PPP2R3A: variants seen among roughly 807,000 people sequenced by gnomAD.
PPP2R3A encodes serine/threonine-protein phosphatase 2A regulatory subunit B'' subunit alpha.
Under a neutral mutation model 106.9 loss-of-function variants are expected in PPP2R3A, and 80 were observed. That is an observed-to-expected ratio of 0.75 (90% CI 0.62 to 0.90). The LOEUF is 0.90. PPP2R3A is among the 40% of genes least tolerant of loss of function. PPP2R3A has a pLI of 0.00. For synonymous variants in PPP2R3A, 483 were observed against 468.3 expected, an observed-to-expected ratio of 1.03 and a Z score of -0.41; for missense variants, 1,386 against 1,350.4, an observed-to-expected ratio of 1.03 and a Z score of -0.41.
At chr3:136,011,342 C>T (rs543092572) in intron 2 of PPP2R3A, among the ~76,000 whole-genome samples, 1 of 152,246 alleles carries the variant, frequency 6.6e-6, no homozygotes, top group South Asian at 2.1e-4. Context: ...TTATCTGTTA[C>T]ATTCACTGCT....
At position 136,146,886 on chromosome 3, in the gene PPP2R3A, T is replaced by C. The variant is rs957987838; in HGVS notation, c.*1720T>C. 2 of 152,166 alleles carry C rather than the reference T, an allele frequency of 1.3e-5. No individual in the cohort carries two copies. The highest frequency in any genetic ancestry group is 2.9e-5 in the Non-Finnish European group (2 of 68,036). 9.4% of individuals were successfully genotyped at this position (152,166 alleles called of 1,614,324 possible). A position where few individuals can be genotyped will look rare whatever the true frequency, so the allele number is the denominator to read the frequency against. On this transcript the variant is annotated 3_prime_UTR_variant, in exon 14 of 14. Transcript: ENST00000264977. The stretch of plus-strand genomic sequence containing the variant: ...GAAATACAAAAAAAAAAAAAATACT[T>C]TTCTTAGAAGCCAGATATGGTTTAA...
At chr3:136,144,882 A>G (rs1456069445) in intron 13 of PPP2R3A, among the ~76,000 whole-genome samples, 161 bp from the exon 14 acceptor site, 1 of 152,192 alleles carries the variant, frequency 6.6e-6, no homozygotes, top group Admixed American at 6.5e-5. Flanking sequence ...TTTCTGCTCT[A>G]GAGTGTTGCC....
At chr3:136,008,934 G>A (rs1933946118) in intron 2 of PPP2R3A, among the ~76,000 whole-genome samples, 1 of 151,844 alleles carries the variant, frequency 6.6e-6, no homozygotes, top group South Asian at 2.1e-4. Context: ...GTTTACATTA[G>A]TCACCACCAG....
At chr3:135,992,498 T>C (rs1180315808) in intron 1 of PPP2R3A, among the ~76,000 whole-genome samples, 1 of 152,190 alleles carries the variant, frequency 6.6e-6, no homozygotes, top group Non-Finnish European at 1.5e-5. Context: ...GCTCCAGATG[T>C]TTCCTGAAGT....
intron 1 of PPP2R3A, among the ~76,000 whole-genome samples, chr3:135,968,434 A>G (rs1937151499): frequency 6.6e-6 from 1 of 152,204 alleles, no homozygotes; most frequent in African/African-American, 2.4e-5. Flanking sequence ...GGTGAAGCTC[A>G]CGGGAACAAT....
chr3:136,142,184 C>G lies in PPP2R3A; in HGVS notation c.3330-2859C>G, dbSNP rs182808457. 7.2e-5 allele frequency among the ~76,000 whole-genome samples: 11 copies of G among 152,250 alleles called. 1 individual carries two copies. Among genetic ancestry groups the G allele is most frequent in the Admixed American group, 5.9e-4 (9 of 15,288 alleles). Reference sequence around the variant, plus strand: ...CGAGAAGAGCTTATTAGTCCAGAACCTGGGACGCACTGGCATTGAAGGAGC... The same window carrying G: ...CGAGAAGAGCTTATTAGTCCAGAACGTGGGACGCACTGGCATTGAAGGAGC... On this transcript the variant is annotated intron_variant, in intron 13 of 13. Transcript: ENST00000264977.
intron 3 of PPP2R3A, among the ~76,000 whole-genome samples, chr3:136,033,543 C>T (rs764553942): frequency 6.6e-6 from 1 of 152,156 alleles, no homozygotes; most frequent in Non-Finnish European, 1.5e-5. Context: ...AATTTTTAAA[C>T]TACCATTTCA....
At chr3:135,980,115 C>T (rs943023945) in intron 1 of PPP2R3A, among the ~76,000 whole-genome samples, 8 of 151,736 alleles carry the variant, frequency 5.3e-5, no homozygotes, top group Non-Finnish European at 1.2e-4. Context: ...AAAGAGTGGC[C>T]TCAGGCACAA....
intron 2 of PPP2R3A, among the ~76,000 whole-genome samples, chr3:136,017,633 C>A (rs1173607430): frequency 6.6e-6 from 1 of 152,168 alleles, no homozygotes; most frequent in Admixed American, 6.5e-5. Flanking sequence ...TATACCAGGA[C>A]CTCCACTTTG....
Position 136,022,970 on chromosome 3 carries a change from AAAAAATACCT to A in PPP2R3A, c.1996-3861_1996-3852del. ...TTTCATTTCTTTGGGAGATAAGAAG[AAAAAATACCT>A]TCCTACCTGACAAGATTGACAACTT... On this transcript the variant is annotated intron_variant, in intron 2 of 13. Coordinates refer to ENST00000264977, the MANE Select transcript of PPP2R3A (RefSeq NM_002718.5). 1.9e-6 allele frequency: 3 copies of A among 1,559,966 alleles called. No individual in the cohort carries two copies. The South Asian group carries it at 3.6e-5, about 19-fold the overall frequency.
In PPP2R3A at chr3:136,026,229, C is replaced by T. The variant is rs187716133; in HGVS notation, c.1996-603C>T. ...TACATGTGTATCTTGCAGAAAATGG[C>T]GTGGCCCTAGTGGCAAATAAATCAG... is the stretch of plus-strand genomic sequence containing the variant. On this transcript the variant is annotated intron_variant, in intron 2 of 13. Coordinates refer to ENST00000264977, the MANE Select transcript of PPP2R3A (RefSeq NM_002718.5). Among the ~76,000 whole-genome samples the T allele has an allele frequency of 3.8e-4, 58 of 152,186 alleles. 1 individual carries two copies. The East Asian group carries it at 8.5e-3, about 22-fold the overall frequency.
chr3:136,001,301 G>C lies in PPP2R3A; in HGVS notation c.-198G>C. On this transcript the variant is annotated 5_prime_UTR_variant, in exon 2 of 14. An upstream start codon of the reference 5' UTR is lost. Transcript: ENST00000264977. Reference sequence around the variant, plus strand: ...TTAAATTATTAAATTTGCCACACATGTGCAGCAGCTACTGTATCCTGATAG... The same window carrying C: ...TTAAATTATTAAATTTGCCACACATCTGCAGCAGCTACTGTATCCTGATAG... 6.0e-6 allele frequency: 3 copies of C among 502,400 alleles called. No homozygotes were observed. The highest frequency in any genetic ancestry group is 6.9e-6 in the Non-Finnish European group (2 of 288,120). 31.1% of individuals were successfully genotyped at this position (502,400 alleles called of 1,614,324 possible). A position where few individuals can be genotyped will look rare whatever the true frequency, so the allele number is the denominator to read the frequency against.
At chr3:136,087,433 G>C (rs1936981535) in intron 8 of PPP2R3A, 1 of 152,750 alleles carries the variant, frequency 6.5e-6, no homozygotes, top group South Asian at 2.1e-4. Context: ...TATGTTTGTA[G>C]TGTGTTTGAG....
chr3:136,143,448 GCCACT>G (rs1037702399), intron 13 of PPP2R3A, among the ~76,000 whole-genome samples: 3 of 151,692 alleles, frequency 2.0e-5, no homozygotes, highest in African/African-American at 7.3e-5. Flanking sequence ...CCAAGATCAT[GCCACT>G]GCACTCCAGC....
chr3:136,131,601 G>GT (rs1479108206), intron 13 of PPP2R3A, among the ~76,000 whole-genome samples: 4 of 152,216 alleles, frequency 2.6e-5, no homozygotes, highest in Non-Finnish European at 5.9e-5. Flanking sequence ...GGAAGACGGT[G>GT]TGGCGATTCC....
chr3:136,044,685 A>G (rs1935413935), intron 4 of PPP2R3A, among the ~76,000 whole-genome samples: 1 of 152,068 alleles, frequency 6.6e-6, no homozygotes, highest in Admixed American at 6.6e-5. Flanking sequence ...AAACCAGCAT[A>G]CTTTGAACAG....
At chr3:136,136,368 A>G (rs1032019010) in intron 13 of PPP2R3A, among the ~76,000 whole-genome samples, 4 of 152,170 alleles carry the variant, frequency 2.6e-5, no homozygotes, top group Non-Finnish European at 2.9e-5. Flanking sequence ...TCTCTGAAGT[A>G]GAGTTTATTC....
In PPP2R3A at chr3:136,030,695, A is replaced by G. The variant is rs367853441; in HGVS notation, c.2262+3597A>G. Among the ~76,000 whole-genome samples, 33 of 150,710 alleles carry G rather than the reference A, an allele frequency of 2.2e-4. No homozygotes were observed. In the South Asian group the frequency reaches 5.5e-3, roughly 25 times the overall value. ...GTTACTTCACATGGAATAGTCTCCA[A>G]TCTCATCCTGGTCACTGCGAATGCC... On this transcript the variant is annotated intron_variant, in intron 3 of 13. Transcript: ENST00000264977.
intron 5 of PPP2R3A, among the ~76,000 whole-genome samples, chr3:136,056,643 G>T (rs944023540): frequency 6.6e-6 from 1 of 151,884 alleles, no homozygotes; most frequent in Non-Finnish European, 1.5e-5. Flanking sequence ...AAAACATAGG[G>T]GTAAGGCTGC....
Sources: allele counts gnomAD v4.1 joint callset (sites outside exome capture counted in the v4.1 genomes callset), GRCh38; gene constraint gnomAD v4.1.1; transcripts MANE v1.5; gene names NCBI Gene and HGNC (gene_info 2026-07-23, HGNC 2026-07-21).